Variants in KLHL13 observed in about 807,000 individuals in gnomAD.
KLHL13 encodes kelch like family member 13, also known as kelch-like protein 13.
Under a neutral mutation model 37.1 loss-of-function variants are expected in KLHL13, and 10 were observed. That is an observed-to-expected ratio of 0.27 (90% CI 0.17 to 0.46). The LOEUF is 0.46. KLHL13 is among the 20% of genes least tolerant of loss of function. KLHL13 has a pLI of 1.00. For missense variants in KLHL13, 360 were observed against 509.3 expected (o/e 0.71, Z 2.82); for synonymous variants, 163 against 181.2 (o/e 0.90, Z 0.81).
intron 2 of KLHL13, among the ~76,000 whole-genome samples, chrX:117,927,196 G>A (rs1181572579): frequency 9.0e-6 from 1 of 110,677 alleles, no homozygotes; most frequent in Admixed American, 9.6e-5. Context: ...TACCGCGCCC[G>A]GCCACTTCTT....
intron 1 of KLHL13, among the ~76,000 whole-genome samples, chrX:118,021,844 A>G (rs1052580546): frequency 8.9e-6 from 1 of 111,880 alleles, no homozygotes; most frequent in Non-Finnish European, 1.9e-5. Context: ...ACTAGTTTAC[A>G]GTCCCACCAA....
At chrX:118,067,318 G>T (rs768404806) in intron 1 of KLHL13, among the ~76,000 whole-genome samples, 176 of 111,614 alleles carry the variant, frequency 1.6e-3, no homozygotes, top group Non-Finnish European at 3.0e-3. Context: ...AATGGAACCT[G>T]CAGGACTGGA....
At chrX:117,973,006 T>C (rs2053549589) in exon 1 of KLHL13, 1 of 1,059,864 alleles carries the variant, frequency 9.4e-7, no homozygotes, top group African/African-American at 1.9e-5. Flanking sequence ...GTAAGGTACC[T>C]CCTTAAATTC....
chrX:118,112,972 A>G (rs2055428837), intron 1 of KLHL13, among the ~76,000 whole-genome samples: 1 of 112,539 alleles, frequency 8.9e-6, no homozygotes, highest in Admixed American at 9.4e-5. Flanking sequence ...TCCTTTATAC[A>G]AAATAAAATT....
chrX:118,116,557 C>T (rs1464615641), exon 1 of KLHL13: 1 of 112,369 alleles, frequency 8.9e-6, no homozygotes. Flanking sequence ...GGGTGCTGCG[C>T]TCCGAGGGCC....
intron 1 of KLHL13, among the ~76,000 whole-genome samples, chrX:118,006,111 C>T (rs754675686): frequency 9.0e-6 from 1 of 111,559 alleles, no homozygotes; most frequent in African/African-American, 3.3e-5. Context: ...CCCTACCACC[C>T]AGTGATTATT....
At chrX:118,065,440 G>A (rs1273861397) in intron 1 of KLHL13, among the ~76,000 whole-genome samples, 1 of 111,056 alleles carries the variant, frequency 9.0e-6, no homozygotes, top group East Asian at 2.8e-4. Flanking sequence ...CTACCTTTGG[G>A]CCATGCTGAT....
At chrX:117,949,409 G>A (rs1933477880) in intron 1 of KLHL13, among the ~76,000 whole-genome samples, 1 of 111,633 alleles carries the variant, frequency 9.0e-6, no homozygotes, top group Non-Finnish European at 1.9e-5. Flanking sequence ...AGAGTGCTCT[G>A]CTGATCTGAC....
intron 4 of KLHL13, among the ~76,000 whole-genome samples, chrX:117,916,299 T>C (rs6645993): frequency 0.1 from 11,563 of 112,420 alleles, 593 homozygotes; most frequent in African/African-American, 0.2. Context: ...TCCATTATCT[T>C]CATAGTATAT....
chrX:118,078,341 A>G (rs987451627), intron 1 of KLHL13, among the ~76,000 whole-genome samples: 2 of 111,618 alleles, frequency 1.8e-5, no homozygotes, highest in African/African-American at 6.5e-5. Flanking sequence ...TAATAGTCAT[A>G]ATTACAACCA....
intron 1 of KLHL13, among the ~76,000 whole-genome samples, chrX:118,050,043 T>C (rs2054597367): frequency 8.9e-6 from 1 of 112,093 alleles, no homozygotes; most frequent in African/African-American, 3.2e-5. Context: ...CCTCCCGTCT[T>C]TTCTTTCTTT....
chrX:118,071,327 G>A (rs1367717383), intron 1 of KLHL13, among the ~76,000 whole-genome samples: 1 of 111,239 alleles, frequency 9.0e-6, no homozygotes, highest in Non-Finnish European at 1.9e-5. Context: ...CTGAGGAATC[G>A]CCACACTGAC....
intron 2 of KLHL13, among the ~76,000 whole-genome samples, chrX:117,937,664 T>C (rs984130080): frequency 2.7e-5 from 3 of 112,182 alleles, no homozygotes; most frequent in South Asian, 7.4e-4. Context: ...TGTGTATACA[T>C]ATTGTATAAT....
At chrX:117,961,110 T>C (rs1359664443) in intron 1 of KLHL13, among the ~76,000 whole-genome samples, 1 of 112,037 alleles carries the variant, frequency 8.9e-6, no homozygotes, top group East Asian at 2.8e-4. Flanking sequence ...CAATTGTGCC[T>C]ATTTTATAAA....
At chrX:118,066,465 C>A (rs1286294699) in intron 1 of KLHL13, among the ~76,000 whole-genome samples, 2 of 111,188 alleles carry the variant, frequency 1.8e-5, no homozygotes, top group South Asian at 7.5e-4. Flanking sequence ...GTATTCCTAG[C>A]AAATAAATCT....
intron 1 of KLHL13, among the ~76,000 whole-genome samples, chrX:117,969,915 G>A (rs1314450524): frequency 9.0e-6 from 1 of 111,591 alleles, no homozygotes; most frequent in Non-Finnish European, 1.9e-5. Flanking sequence ...TAAACAAACA[G>A]AAAGAAAACA....
intron 1 of KLHL13, among the ~76,000 whole-genome samples, chrX:118,033,141 G>A (rs2054382008): frequency 9.0e-6 from 1 of 111,251 alleles, no homozygotes; most frequent in Non-Finnish European, 1.9e-5. Flanking sequence ...TGAGGGGGGG[G>A]AATGGAACCA....
intron 1 of KLHL13, among the ~76,000 whole-genome samples, chrX:118,020,810 C>T (rs2054197520): frequency 9.1e-6 from 1 of 109,639 alleles, no homozygotes; most frequent in Non-Finnish European, 1.9e-5. Flanking sequence ...TACTATGCAG[C>T]CATAAAAATG....
intron 1 of KLHL13, among the ~76,000 whole-genome samples, chrX:117,962,738 G>A (rs1602599884): frequency 8.9e-6 from 1 of 111,912 alleles, no homozygotes; most frequent in South Asian, 3.7e-4. Context: ...TAGATGGCAT[G>A]AAAGTAGCAA....
Sources: gnomAD v4.1 joint callset for allele counts (sites outside exome capture counted in the v4.1 genomes callset) on GRCh38, gnomAD v4.1.1 for gene constraint, MANE v1.5 for transcripts, NCBI Gene and HGNC (gene_info 2026-07-23, HGNC 2026-07-21) for gene names.